CIZ1: variants seen among roughly 807,000 people sequenced by gnomAD.
CIZ1 encodes the protein cip1-interacting zinc finger protein.
A neutral mutation model predicts 118.6 loss-of-function variants in CIZ1; 58 were observed. The observed-to-expected ratio is 0.49, with a 90% CI of 0.40 to 0.61. The LOEUF (loss-of-function observed/expected upper bound fraction) is 0.61. Among genes scored for constraint, CIZ1 ranks in the 20% least tolerant of loss-of-function variants. The pLI is 0.00. For missense variants in CIZ1, 921 were observed against 1,115.9 expected (o/e 0.83, Z 2.49); for synonymous variants, 448 against 443.4 (o/e 1.01, Z -0.13).
intron 4 of CIZ1, among the ~76,000 whole-genome samples, chr9:128,186,885 C>G (rs953782203): frequency 6.6e-6 from 1 of 152,080 alleles, no homozygotes; most frequent in East Asian, 1.9e-4. Flanking sequence ...CCCCAAAGGC[C>G]CCAGCTTCCA....
chr9:128,177,528 G>GGGC, intron 10 of CIZ1, 38 bp downstream of exon 10: 2 of 1,164,638 alleles, frequency 1.7e-6, no homozygotes, highest in Non-Finnish European at 1.2e-6. Context: ...TTCCACGCAG[G>GGGC]CCCCACCCCT....
chr9:128,168,079 G>C (rs969461016), intron 14 of CIZ1, among the ~76,000 whole-genome samples: 1 of 152,148 alleles, frequency 6.6e-6, no homozygotes, highest in Non-Finnish European at 1.5e-5. Flanking sequence ...CAGAGGCTAT[G>C]AGCAGCCCCA....
rs1292238217 is a variant in CIZ1, at chr9:128,187,871, G to C, written c.350C>G (p.Ala117Gly). ...TAAAAAGCATATAATACCCAGTGTT[G>C]CTGTGGGCATGGTGAGACCGGCAGT... ...YDTAGLTMPT[A>G]TLGNLRGYGM... Residue 117 changes from alanine to glycine, a missense_variant, in exon 4 of 17, where the codon GCA becomes GGA. Coordinates refer to ENST00000372938, the MANE Select transcript of CIZ1 (RefSeq NM_001131016.2). 1 of 732,908 alleles carries C rather than the reference G, an allele frequency of 1.4e-6. No homozygotes were observed. Among genetic ancestry groups the C allele is most frequent in the East Asian group, 2.5e-5 (1 of 40,366 alleles). 45.4% of individuals were successfully genotyped at this position (732,908 alleles called of 1,614,324 possible).
intron 12 of CIZ1, chr9:128,169,798 G>C: frequency 7.8e-7 from 1 of 1,287,824 alleles, no homozygotes; most frequent in Admixed American, 2.0e-5. Context: ...TGTGAGCCCC[G>C]TGGCTGAATG....
At chr9:128,177,210 C>G (rs888452717) in intron 10 of CIZ1, among the ~76,000 whole-genome samples, 3 of 152,130 alleles carry the variant, frequency 2.0e-5, no homozygotes, top group Admixed American at 2.0e-4. Context: ...TTGTCTGATG[C>G]AAGAGGAAAC....
At chr9:128,190,561 G>A in intron 2 of CIZ1, 117 bp from the exon 3 acceptor site, 1 of 1,371,272 alleles carries the variant, frequency 7.3e-7, no homozygotes, top group Non-Finnish European at 1.0e-6. Context: ...GACCCCTTGG[G>A]GCTGGAATTG....
At chr9:128,176,076 G>A (rs1274159165) in intron 11 of CIZ1, among the ~76,000 whole-genome samples, 2 of 152,212 alleles carry the variant, frequency 1.3e-5, no homozygotes, top group Admixed American at 6.5e-5. Flanking sequence ...AAGAGTCTGT[G>A]CCACAACCTG....
chr9:128,197,648 T>C (rs989980796), intron 1 of CIZ1: 2 of 152,234 alleles, frequency 1.3e-5, no homozygotes, highest in African/African-American at 4.8e-5. Context: ...TGGCCAACTG[T>C]GCCAGACAGG....
rs1832603666 is a variant in CIZ1 at position 128,188,011 on chromosome 9, C to T, written c.287-77G>A. ...CCCCCTGACTCAGTGAGAAAACAAT[C>T]TCAAACAACATATTCATCCCAGGGT... On this transcript the variant is annotated intron_variant, in intron 3 of 16. Coordinates refer to ENST00000372938, the MANE Select transcript of CIZ1 (RefSeq NM_001131016.2). 3 of 299,466 alleles carry T rather than the reference C, an allele frequency of 1.0e-5. No individual in the cohort carries two copies. The Admixed American group carries it at 1.1e-4, about 11-fold the overall frequency. The allele number at this position is 299,466 out of a possible 1,614,324, so 18.6% of individuals were successfully genotyped here.
In CIZ1 at chr9:128,178,374, G is replaced by A. The variant is rs1323664001; in HGVS notation, c.1615C>T (p.Pro539Ser). ...GECENRAREMPGVWGAGGSLK... is the reference protein window; with the variant it reads ...GECENRAREMSGVWGAGGSLK... The stretch of plus-strand genomic sequence containing the variant: ...ACATCAGGGCCTCTACCCACCCCTG[G>A]CATCTCTCTCGCTCTGTTTTCACAT... The change falls in exon 9 of 17, where the codon CCA (proline) becomes TCA (serine). Residue 539 changes from proline (P) to serine (S), a missense_variant. Coordinates refer to ENST00000372938, the MANE Select transcript of CIZ1 (RefSeq NM_001131016.2). The A allele has an allele frequency of 3.1e-6, 5 of 1,613,090 alleles. No homozygotes were observed. The highest frequency in any genetic ancestry group is 1.1e-5 in the South Asian group (1 of 91,000).
chr9:128,177,528 G>GCCCCCCCCCCCCCCCCCCCCA, intron 10 of CIZ1, 38 bp downstream of exon 10: 2 of 1,164,642 alleles, frequency 1.7e-6, no homozygotes, highest in Admixed American at 2.9e-5. Context: ...TTCCACGCAG[G>GCCCCCCCCCCCCCCCCCCCCA]CCCCACCCCT....
chr9:128,186,098 T>C (rs889356794), intron 4 of CIZ1, among the ~76,000 whole-genome samples: 78 of 152,058 alleles, frequency 5.1e-4, no homozygotes, highest in Non-Finnish European at 1.3e-4. Flanking sequence ...GCACAGCCCA[T>C]AGGGAGAACC....
rs1192465787 is a variant in CIZ1, at chr9:128,191,400, G to A, written c.-6+32C>T. The stretch of plus-strand genomic sequence containing the variant: ...CAGACACAGCCAGCTCGCAGGCGGA[G>A]CCCCACGACCCAGCCGCCCCCGGCC... On this transcript the variant is annotated intron_variant, in intron 1 of 16. Coordinates refer to ENST00000372938, the MANE Select transcript of CIZ1 (RefSeq NM_001131016.2). This position sits in a 1 kb window ranked among gnomAD's most constrained non-coding sequence, Gnocchi z 5.5. 2 of 846,432 alleles carry A rather than the reference G, an allele frequency of 2.4e-6. No individual in the cohort carries two copies. The highest frequency in any genetic ancestry group is 2.9e-6 in the Non-Finnish European group (2 of 700,692). The allele number at this position is 846,432 out of a possible 1,614,324, so 52.4% of individuals were successfully genotyped here. A position where few individuals can be genotyped will look rare whatever the true frequency, so the allele number is the denominator to read the frequency against.
intron 7 of CIZ1, among the ~76,000 whole-genome samples, chr9:128,179,856 G>A (rs1044951146): frequency 6.6e-6 from 1 of 151,886 alleles, no homozygotes; most frequent in Non-Finnish European, 1.5e-5. Flanking sequence ...ACTTTTAGTA[G>A]AGACGGGGTT....
rs780547855 is a variant in CIZ1, at chr9:128,179,136, T to C, written c.1071A>G (p.Gln357=). The change falls in exon 8 of 17, where the codon CAA becomes CAG. Residue 357 remains glutamine, a synonymous_variant. Transcript: ENST00000372938. ...TQTSPEHLVL[Q]QKQVQPQLQQ... ...GCAGCTGTGGCTGCACCTGCTTCTGTTGCAGCACTAAGTGCTCTGGAGAGG... is the reference window on the plus strand; with the variant it reads ...GCAGCTGTGGCTGCACCTGCTTCTGCTGCAGCACTAAGTGCTCTGGAGAGG... 1.9e-6 allele frequency: 3 copies of C among 1,614,120 alleles called. No homozygotes were observed. Among genetic ancestry groups the C allele is most frequent in the African/African-American group, 1.3e-5 (1 of 75,026 alleles).
chr9:128,166,829 T>C lies in CIZ1; in HGVS notation c.2417A>G (p.Lys806Arg), dbSNP rs375610878. ...VMGYICRICH[K>R]FYHSNSGAQL... ...TGCCCCTGAGTTGCTGTGATAGAACTTGTGGCAGATGCGGCAGATATAGCC... is the reference window on the plus strand; with the variant it reads ...TGCCCCTGAGTTGCTGTGATAGAACCTGTGGCAGATGCGGCAGATATAGCC... The change falls in exon 16 of 17, where the codon AAG becomes AGG. Residue 806 changes from lysine to arginine, a missense_variant. Transcript: ENST00000372938. The surrounding 1 kb of genome is among the most constrained non-coding windows in gnomAD (Gnocchi z 4.4). 2 of 1,614,070 alleles carry C rather than the reference T, an allele frequency of 1.2e-6. No individual in the cohort carries two copies. Among genetic ancestry groups the C allele is most frequent in the African/African-American group, 2.7e-5 (2 of 74,918 alleles).
intron 4 of CIZ1, among the ~76,000 whole-genome samples, chr9:128,187,398 G>A (rs1340939473): frequency 6.6e-6 from 1 of 152,228 alleles, no homozygotes; most frequent in African/African-American, 2.4e-5. Flanking sequence ...ATGGCGTGCT[G>A]TGAGCGCTGG....
Position 128,179,180 on chromosome 9 carries a change from T to G in CIZ1, c.1027A>C (p.Lys343Gln). 18 of 1,614,038 alleles carry G rather than the reference T, an allele frequency of 1.1e-5. No homozygotes were observed. The highest frequency in any genetic ancestry group is 1.5e-5 in the Non-Finnish European group (18 of 1,179,992). The change falls in exon 8 of 17, where the codon AAG (lysine) becomes CAG (glutamine). Residue 343 changes from lysine to glutamine, a missense_variant. Coordinates refer to ENST00000372938, the MANE Select transcript of CIZ1 (RefSeq NM_001131016.2). Reference sequence around the variant, plus strand: ...GGAGAGGTCTGTGTTTGCGCCTGCTTCTGCAGCTTTGGCTGCACCTGGGTG... The same window carrying G: ...GGAGAGGTCTGTGTTTGCGCCTGCTGCTGCAGCTTTGGCTGCACCTGGGTG... ...TDTQVQPKLQ[K>Q]QAQTQTSPEH...
In CIZ1 at chr9:128,177,708, C is replaced by T; in HGVS notation, c.1676G>A (p.Arg559Gln). 2.5e-6 allele frequency: 4 copies of T among 1,607,582 alleles called. No individual in the cohort carries two copies. Among genetic ancestry groups the T allele is most frequent in the East Asian group, 2.2e-5 (1 of 44,572 alleles). ...KVTILQSSDSRAFSTVPLTPV... is the reference protein window; with the variant it reads ...KVTILQSSDSQAFSTVPLTPV... ...TGTCAGGGGTACAGTGCTAAAGGCC[C>T]GGCTGTCACTGCTCTGCAGAATGGT... Residue 559 changes from arginine (R) to glutamine (Q), a missense_variant, in exon 10 of 17, where the codon CGG becomes CAG. By Grantham distance (43) the Arg-to-Gln change is conservative. Transcript: ENST00000372938.
Sources: gnomAD v4.1 joint callset for allele counts (sites outside exome capture counted in the v4.1 genomes callset) on GRCh38, gnomAD v4.1.1 for gene constraint, Gnocchi (gnomAD v3.1) non-coding constraint, MANE v1.5 for transcripts, NCBI Gene and HGNC (gene_info 2026-07-23, HGNC 2026-07-21) for gene names.